The following SLC25A23 variants were observed in gnomAD, a reference collection of about 807,000 sequenced individuals.
SLC25A23 encodes mitochondrial adenyl nucleotide antiporter SLC25A23.
A neutral mutation model predicts 53.9 loss-of-function variants in SLC25A23; 32 were observed. The ratio of observed to expected loss-of-function variants is 0.59; its 90% CI spans 0.45 to 0.80. The LOEUF is 0.80. SLC25A23 is among the 30% of genes least tolerant of loss of function. The pLI is 0.00. For missense variants in SLC25A23, 575 were observed against 651.4 expected, an observed-to-expected ratio of 0.88 and a Z score of 1.28; for synonymous variants, 275 against 264.5, an observed-to-expected ratio of 1.04 and a Z score of -0.38.
chr19:6,454,507 C>T lies in SLC25A23; in HGVS notation c.643-32G>A. On this transcript the variant is annotated intron_variant, in intron 5 of 9. Coordinates refer to ENST00000301454, the MANE Select transcript of SLC25A23 (RefSeq NM_024103.3). The surrounding 1 kb of genome is among the most constrained non-coding windows in gnomAD (Gnocchi z 4.3). ...GGGGAGACAACAGCTTGGAGGTCCC[C>T]TCCCAGGTGTCAGGCCTGGGGGAGG... 1.2e-6 allele frequency: 2 copies of T among 1,613,524 alleles called. No homozygotes were observed. Among genetic ancestry groups the T allele is most frequent in the East Asian group, 2.2e-5 (1 of 44,868 alleles).
intron 8 of SLC25A23, among the ~76,000 whole-genome samples, chr19:6,445,658 A>G (rs960679945): frequency 6.6e-6 from 1 of 152,026 alleles, no homozygotes; most frequent in East Asian, 1.9e-4. Flanking sequence ...TGGATTTCTG[A>G]CCTCCAGAAC....
chr19:6,441,603 G>A lies in SLC25A23; in HGVS notation c.*372C>T, dbSNP rs1349038148. The A allele has an allele frequency of 3.5e-6, 1 of 285,102 alleles. No homozygotes were observed. Among genetic ancestry groups the A allele is most frequent in the Non-Finnish European group, 6.8e-6 (1 of 146,984 alleles). The allele number at this position is 285,102 out of a possible 1,614,324, so 17.7% of individuals were successfully genotyped here. A position where few individuals can be genotyped will look rare whatever the true frequency, so the allele number is the denominator to read the frequency against. The stretch of plus-strand genomic sequence containing the variant: ...GCGTGGGATCCACCTTAGGATGTGG[G>A]GCTGCAGGATCCAGTGATTTGGGGG... On this transcript the variant is annotated 3_prime_UTR_variant, in exon 10 of 10. Coordinates refer to ENST00000301454, the MANE Select transcript of SLC25A23 (RefSeq NM_024103.3).
intron 4 of SLC25A23, chr19:6,456,186 C>T (rs142540615): frequency 1.0e-5 from 13 of 1,265,606 alleles, no homozygotes; most frequent in Admixed American, 5.1e-5. Context: ...CCAGAGGCCC[C>T]GATGTAAGTC....
intron 8 of SLC25A23, among the ~76,000 whole-genome samples, chr19:6,451,947 T>G (rs1340525674): frequency 6.7e-6 from 1 of 149,690 alleles, no homozygotes; most frequent in Non-Finnish European, 1.5e-5. Context: ...AACCTCCGCC[T>G]CCCAGGCTCA....
chr19:6,453,854 A>G (rs1296649922), intron 7 of SLC25A23, 127 bp downstream of exon 7: 2 of 687,518 alleles, frequency 2.9e-6, no homozygotes, highest in Non-Finnish European at 4.8e-6. Flanking sequence ...TACTCTGATG[A>G]GCTATACTCC....
At chr19:6,445,841 C>T (rs2092495398) in intron 8 of SLC25A23, among the ~76,000 whole-genome samples, 1 of 152,004 alleles carries the variant, frequency 6.6e-6, no homozygotes, top group African/African-American at 2.4e-5. Context: ...CGTTTGAGCC[C>T]AGGAGCCTGA....
In SLC25A23 at chr19:6,459,412, G is replaced by C. The variant is rs889029879; in HGVS notation, c.156+61C>G. The C allele has an allele frequency of 6.8e-7, 1 of 1,460,376 alleles. No individual in the cohort carries two copies. The highest frequency in any genetic ancestry group is 9.1e-7 in the Non-Finnish European group (1 of 1,098,114). 90.5% of individuals were successfully genotyped at this position (1,460,376 alleles called of 1,614,324 possible). Reference sequence around the variant, plus strand: ...GTGGCTCCGGCCGCCCAGTTCAGGGGCTTGGGTAACCGGGAGCGGGCGGGG... The same window carrying C: ...GTGGCTCCGGCCGCCCAGTTCAGGGCCTTGGGTAACCGGGAGCGGGCGGGG... On this transcript the variant is annotated intron_variant, in intron 1 of 9. Transcript: ENST00000301454. The surrounding 1 kb of genome is among the most constrained non-coding windows in gnomAD (Gnocchi z 4.6).
At position 6,454,868 on chromosome 19, in the gene SLC25A23, G is replaced by A; in HGVS notation, c.484-151C>T. On this transcript the variant is annotated intron_variant, in intron 4 of 9. Coordinates refer to ENST00000301454, the MANE Select transcript of SLC25A23 (RefSeq NM_024103.3). This position sits in a 1 kb window ranked among gnomAD's most constrained non-coding sequence, Gnocchi z 4.3. ...GGAGACCCCAGAAGAGTCCTGTTGGGTCCTACCAGGTGTCACCAAAGCATC... is the reference window on the plus strand; with the variant it reads ...GGAGACCCCAGAAGAGTCCTGTTGGATCCTACCAGGTGTCACCAAAGCATC... 1 of 855,256 alleles carries A rather than the reference G, an allele frequency of 1.2e-6. No homozygotes were observed. The highest frequency in any genetic ancestry group is 1.8e-6 in the Non-Finnish European group (1 of 563,744). The allele number at this position is 855,256 out of a possible 1,614,324, so 53.0% of individuals were successfully genotyped here.
intron 4 of SLC25A23, among the ~76,000 whole-genome samples, chr19:6,455,688 T>C (rs1478917762): frequency 6.6e-6 from 1 of 150,532 alleles, no homozygotes; most frequent in Non-Finnish European, 1.5e-5. Flanking sequence ...TGGCTCCCAT[T>C]GGATCCTCTG....
intron 8 of SLC25A23, among the ~76,000 whole-genome samples, chr19:6,450,785 T>G (rs2144935161): frequency 6.6e-6 from 1 of 151,984 alleles, no homozygotes; most frequent in Admixed American, 6.6e-5. Flanking sequence ...GGGTCCCTTG[T>G]TCAAAAATTA....
chr19:6,436,144 G>T, downstream of SLC25A23: 1 of 212,070 alleles, frequency 4.7e-6, no homozygotes, highest in Non-Finnish European at 1.0e-5. Flanking sequence ...CCCGCCAAAG[G>T]TTGGCAGCTT....
At chr19:6,458,508 G>A (rs2092715010) in intron 1 of SLC25A23, among the ~76,000 whole-genome samples, 184 bp from the exon 2 acceptor site, 1 of 152,138 alleles carries the variant, frequency 6.6e-6, no homozygotes, top group Non-Finnish European at 1.5e-5. Flanking sequence ...GCCACCACAG[G>A]TCTGTGCGGT....
rs140369709 is a variant in SLC25A23 at position 6,457,176 on chromosome 19, G to A, written c.371+327C>T. 1.1e-3 allele frequency among the ~76,000 whole-genome samples: 167 copies of A among 148,772 alleles called. 2 individuals are homozygous for A. The East Asian group carries it at 0.03, about 27-fold the overall frequency. ...CACCTCTTGGGTTTAAGGGATTCCC[G>A]TGCCTCAGCCTCCCCAAGTAGCTGG... On this transcript the variant is annotated intron_variant, in intron 3 of 9. Transcript: ENST00000301454.
chr19:6,439,258 C>CGGTCCCTGT (rs1476118029), downstream of SLC25A23, among the ~76,000 whole-genome samples: 93 of 151,812 alleles, frequency 6.1e-4, no homozygotes, highest in African/African-American at 2.2e-3. Flanking sequence ...CGTGTGCCTG[C>CGGTCCCTGT]GGTCCCTGTG....
chr19:6,459,330 G>C lies in SLC25A23; in HGVS notation c.156+143C>G. 1 of 671,608 alleles carries C rather than the reference G, an allele frequency of 1.5e-6. No individual in the cohort carries two copies. Among genetic ancestry groups the C allele is most frequent in the South Asian group, 2.5e-5 (1 of 39,678 alleles). The allele number at this position is 671,608 out of a possible 1,614,324, so 41.6% of individuals were successfully genotyped here. A position where few individuals can be genotyped will look rare whatever the true frequency, so the allele number is the denominator to read the frequency against. On this transcript the variant is annotated intron_variant, in intron 1 of 9. Coordinates refer to ENST00000301454, the MANE Select transcript of SLC25A23 (RefSeq NM_024103.3). This position sits in a 1 kb window ranked among gnomAD's most constrained non-coding sequence, Gnocchi z 4.6. ...GATCCCGTTAGGCCAAACACGAGTG[G>C]GTAGGGGGAACGAGACAGAGACACA...
At position 6,454,095 on chromosome 19, in the gene SLC25A23, C is replaced by T. The variant is rs545245544; in HGVS notation, c.796-7G>A. 4.7e-5 allele frequency: 75 copies of T among 1,609,688 alleles called. No individual in the cohort carries two copies. Among genetic ancestry groups the T allele is most frequent in the South Asian group, 2.3e-4 (21 of 90,604 alleles). On this transcript the variant is annotated splice_polypyrimidine_tract_variant and splice_region_variant and intron_variant, in intron 6 of 9. Transcript: ENST00000301454. This position sits in a 1 kb window ranked among gnomAD's most constrained non-coding sequence, Gnocchi z 4.3. ...CCAGGATGGCCCTCTTGATCTGAGG[C>T]GGGGAGACACAGGGATGGGTAGGAC...
At chr19:6,453,632 G>A (rs920492540) in intron 7 of SLC25A23, among the ~76,000 whole-genome samples, 2 of 152,164 alleles carry the variant, frequency 1.3e-5, no homozygotes, top group Admixed American at 1.3e-4. Flanking sequence ...CATGTAGCTA[G>A]CACAGTCTAT....
In SLC25A23 at chr19:6,459,072, C is replaced by T. The variant is rs748962911; in HGVS notation, c.156+401G>A. Reference sequence around the variant, plus strand: ...GGCCAGGGAATGTAAACACAGGGATCGGGGCAGCTGCAGGCCAGGGCAGTA... The same window carrying T: ...GGCCAGGGAATGTAAACACAGGGATTGGGGCAGCTGCAGGCCAGGGCAGTA... On this transcript the variant is annotated intron_variant, in intron 1 of 9. Coordinates refer to ENST00000301454, the MANE Select transcript of SLC25A23 (RefSeq NM_024103.3). The surrounding 1 kb of genome is among the most constrained non-coding windows in gnomAD (Gnocchi z 4.6). 6.6e-6 allele frequency among the ~76,000 whole-genome samples: 1 copy of T among 152,168 alleles called. No homozygotes were observed. Among genetic ancestry groups the T allele is most frequent in the African/African-American group, 2.4e-5 (1 of 41,448 alleles).
At chr19:6,446,765 G>A (rs903510463) in intron 8 of SLC25A23, among the ~76,000 whole-genome samples, 1 of 152,150 alleles carries the variant, frequency 6.6e-6, no homozygotes, top group Admixed American at 6.6e-5. Flanking sequence ...CTTTGGGGGG[G>A]AACATGTTGA....
Sources: allele counts gnomAD v4.1 joint callset (sites outside exome capture counted in the v4.1 genomes callset), GRCh38; gene constraint gnomAD v4.1.1; non-coding constraint Gnocchi (gnomAD v3.1); transcripts MANE v1.5; gene names NCBI Gene and HGNC (gene_info 2026-07-23, HGNC 2026-07-21).